Variants in STAU2 observed in about 807,000 individuals in gnomAD.
STAU2 encodes double-stranded RNA-binding protein Staufen homolog 2.
In STAU2, 20 loss-of-function variants were observed where a neutral mutation model predicts 65.9. The observed-to-expected ratio is 0.30, with a 90% CI of 0.21 to 0.44. STAU2 has a LOEUF of 0.44. STAU2 is among the 20% of genes least tolerant of loss of function. STAU2 has a pLI of 1.00. For missense variants in STAU2, 558 were observed against 683.9 expected, an observed-to-expected ratio of 0.82 and a Z score of 2.05; for synonymous variants, 232 against 233.9, an observed-to-expected ratio of 0.99 and a Z score of 0.07.
chr8:73,661,965 G>C (rs147307570), intron 6 of STAU2, among the ~76,000 whole-genome samples: 3 of 152,102 alleles, frequency 2.0e-5, no homozygotes, highest in Non-Finnish European at 4.4e-5. Context: ...GAATTGCTGG[G>C]TGGTAAGATA....
intron 13 of STAU2, among the ~76,000 whole-genome samples, chr8:73,547,053 C>G (rs1293881020): frequency 6.6e-6 from 1 of 152,112 alleles, no homozygotes; most frequent in Non-Finnish European, 1.5e-5. Context: ...GGAAAGGACA[C>G]GAAATGATAA....
At chr8:73,608,846 C>G (rs185612308) in intron 9 of STAU2, among the ~76,000 whole-genome samples, 2 of 151,730 alleles carry the variant, frequency 1.3e-5, no homozygotes, top group Middle Eastern at 3.4e-3. Context: ...AAAAATTAGT[C>G]GGGCATGGTG....
At chr8:73,561,498 G>T (rs1808227066) in intron 12 of STAU2, 1 of 452,216 alleles carries the variant, frequency 2.2e-6, no homozygotes, top group Non-Finnish European at 4.4e-6. Flanking sequence ...GTTCTTCTTG[G>T]TTATGATTCT....
At chr8:73,666,842 T>C (rs1325863126) in intron 6 of STAU2, among the ~76,000 whole-genome samples, 2 of 152,190 alleles carry the variant, frequency 1.3e-5, no homozygotes, top group Non-Finnish European at 2.9e-5. Context: ...TCTTAAGATA[T>C]ATTACACAAA....
intron 13 of STAU2, among the ~76,000 whole-genome samples, chr8:73,475,140 G>A (rs1365797659): frequency 6.6e-6 from 1 of 152,170 alleles, no homozygotes; most frequent in Non-Finnish European, 1.5e-5. Flanking sequence ...GGGGATCATG[G>A]GGTGGGGGCT....
intron 13 of STAU2, among the ~76,000 whole-genome samples, chr8:73,544,021 C>T (rs1488943110): frequency 6.6e-6 from 1 of 152,154 alleles, no homozygotes; most frequent in Non-Finnish European, 1.5e-5. Context: ...TAAGTTTATT[C>T]ATCTCATCCA....
At chr8:73,686,737 A>T (rs1251735653) in intron 5 of STAU2, among the ~76,000 whole-genome samples, 5 of 146,234 alleles carry the variant, frequency 3.4e-5, no homozygotes, top group Admixed American at 6.9e-5. Context: ...CTATTGAAAT[A>T]AAAAAAAAAA....
intron 1 of STAU2, among the ~76,000 whole-genome samples, chr8:73,745,505 C>A (rs1264392560): frequency 3.3e-5 from 5 of 152,194 alleles, no homozygotes; most frequent in African/African-American, 9.7e-5. Flanking sequence ...CAAGTATTCA[C>A]GATGCTGGTC....
intron 13 of STAU2, chr8:73,439,017 T>C (rs372093225): frequency 5.1e-4 from 235 of 456,742 alleles, no homozygotes; most frequent in African/African-American, 4.3e-3. Flanking sequence ...TTTAGAAGAC[T>C]GCATCAGCAA....
At chr8:73,627,237 G>A (rs1451265893) in intron 6 of STAU2, among the ~76,000 whole-genome samples, 1 of 96,956 alleles carries the variant, frequency 1.0e-5, no homozygotes, top group African/African-American at 3.9e-5. Flanking sequence ...GGGGGCAGGA[G>A]GGCGGGTTCC....
intron 13 of STAU2, among the ~76,000 whole-genome samples, chr8:73,498,863 T>C (rs1821583598): frequency 6.6e-6 from 1 of 151,810 alleles, no homozygotes; most frequent in South Asian, 2.1e-4. Flanking sequence ...TTGGCTGTGC[T>C]GTGGTGCCCA....
intron 6 of STAU2, among the ~76,000 whole-genome samples, chr8:73,649,098 A>T (rs573490582): frequency 6.6e-6 from 1 of 152,326 alleles, no homozygotes; most frequent in East Asian, 1.9e-4. Flanking sequence ...GCCTCCAATA[A>T]GAGCTTTTTG....
intron 4 of STAU2, among the ~76,000 whole-genome samples, chr8:73,704,114 T>A (rs1170042282): frequency 6.6e-6 from 1 of 152,154 alleles, no homozygotes; most frequent in Non-Finnish European, 1.5e-5. Context: ...AAGAGGCACA[T>A]CCTACAGCTC....
intron 6 of STAU2, among the ~76,000 whole-genome samples, chr8:73,622,075 G>C (rs2129934909): frequency 6.9e-6 from 1 of 145,274 alleles, no homozygotes; most frequent in Admixed American, 7.0e-5. Flanking sequence ...TCCTGCCTCA[G>C]CCTCCCGAGT....
chr8:73,744,825 G>C (rs60475102), intron 1 of STAU2, among the ~76,000 whole-genome samples: 1 of 151,990 alleles, frequency 6.6e-6, no homozygotes, highest in Non-Finnish European at 1.5e-5. Flanking sequence ...GTTAACAGGT[G>C]AATCTGAATA....
intron 6 of STAU2, among the ~76,000 whole-genome samples, chr8:73,625,527 A>G (rs1439998476): frequency 6.6e-6 from 1 of 152,194 alleles, no homozygotes; most frequent in Non-Finnish European, 1.5e-5. Context: ...AAAGTAGATT[A>G]GTGGTTGCCA....
intron 13 of STAU2, among the ~76,000 whole-genome samples, chr8:73,536,507 A>G (rs977659596): frequency 1.3e-5 from 2 of 152,228 alleles, no homozygotes; most frequent in African/African-American, 4.8e-5. Context: ...TCAATTTGGA[A>G]GCCTACACTT....
In STAU2 at chr8:73,527,661, A is replaced by C. The variant is rs765219622; in HGVS notation, c.1530+24351T>G. On this transcript the variant is annotated intron_variant, in intron 13 of 14. Transcript: ENST00000524300. ...CCTTCCATTTCCGAGCTGGGCCATA[A>C]CACAGCAAAATGGCAGTGGCATATT... 1.7e-5 allele frequency: 25 copies of C among 1,513,758 alleles called. No individual in the cohort carries two copies. In the South Asian group the frequency reaches 3.0e-4, roughly 18 times the overall value. 93.8% of individuals were successfully genotyped at this position (1,513,758 alleles called of 1,614,324 possible).
At position 73,527,881 on chromosome 8, in the gene STAU2, G is replaced by T. The variant is rs1017429098; in HGVS notation, c.1530+24131C>A. ...ATGCAAATAGGTCCTTTTGCAAAGG[G>T]TCTAGATTTCACAGAACACACTTTA... On this transcript the variant is annotated intron_variant, in intron 13 of 14. Coordinates refer to ENST00000524300, the MANE Select transcript of STAU2 (RefSeq NM_001164380.2). 2.7e-3 allele frequency: 301 copies of T among 111,780 alleles called. 1 individual carries two copies. Among genetic ancestry groups the T allele is most frequent in the Non-Finnish European group, 4.5e-3 (287 of 63,588 alleles). The allele number at this position is 111,780 out of a possible 1,614,324, so 6.9% of individuals were successfully genotyped here. A position where few individuals can be genotyped will look rare whatever the true frequency, so the allele number is the denominator to read the frequency against.
Sources: allele counts gnomAD v4.1 joint callset (sites outside exome capture counted in the v4.1 genomes callset), GRCh38; gene constraint gnomAD v4.1.1; transcripts MANE v1.5; gene names NCBI Gene and HGNC (gene_info 2026-07-23, HGNC 2026-07-21).